The following KHDRBS2 variants were observed in gnomAD, a reference collection of about 807,000 sequenced individuals.
KHDRBS2 encodes the protein KH domain-containing, RNA-binding, signal transduction-associated protein 2.
KHDRBS2 carries 26 observed loss-of-function variants against 44.3 expected under a neutral mutation model. The ratio of observed to expected loss-of-function variants is 0.59; its 90% CI spans 0.43 to 0.81. The LOEUF (loss-of-function observed/expected upper bound fraction) is 0.81. Among genes scored for constraint, KHDRBS2 ranks in the 40% least tolerant of loss-of-function variants. The pLI, the probability that KHDRBS2 is intolerant of heterozygous loss-of-function variation, is 0.00. For missense variants in KHDRBS2, 476 were observed against 433.1 expected, an observed-to-expected ratio of 1.10 and a Z score of -0.88; for synonymous variants, 194 against 151.1, an observed-to-expected ratio of 1.28 and a Z score of -2.08.
chr6:61,764,315 T>C (rs571985918), intron 6 of KHDRBS2, among the ~76,000 whole-genome samples: 2 of 152,328 alleles, frequency 1.3e-5, no homozygotes, highest in Non-Finnish European at 2.9e-5. Flanking sequence ...AACTTTATAA[T>C]AGAACGATTA....
At chr6:61,573,804 A>G in the KHDRBS2 span, among the ~76,000 whole-genome samples, 216 of 121,120 alleles carry the variant, frequency 1.8e-3, no homozygotes, top group African/African-American at 6.2e-3. Flanking sequence ...AAAAAAAAAA[A>G]AAGTAAAAGT....
At chr6:61,914,998 T>C (rs1383415111) in intron 4 of KHDRBS2, among the ~76,000 whole-genome samples, 1 of 152,046 alleles carries the variant, frequency 6.6e-6, no homozygotes, top group African/African-American at 2.4e-5. Flanking sequence ...GTTGTGACAA[T>C]AGTCACAATA....
chr6:61,882,152 GAAA>G (rs1800294320), intron 6 of KHDRBS2, among the ~76,000 whole-genome samples: 1 of 151,894 alleles, frequency 6.6e-6, no homozygotes, highest in African/African-American at 2.4e-5. Flanking sequence ...ACCAAGAGTA[GAAA>G]AAAGTAGGAA....
chr6:61,680,227 T>C lies in KHDRBS2; in HGVS notation c.*736A>G, dbSNP rs551973910. ...GCATTTAAAGCTAGAAAACAAGTAA[T>C]TCCAAATTTAATTTTTACAAAAGTT... On this transcript the variant is annotated 3_prime_UTR_variant, in exon 9 of 9. Transcript: ENST00000281156. 156 of 152,336 alleles carry C rather than the reference T, an allele frequency of 1.0e-3. 1 individual carries two copies. The highest frequency in any genetic ancestry group is 4.9e-4 in the Non-Finnish European group (33 of 67,910). The allele number at this position is 152,336 out of a possible 1,614,324, so 9.4% of individuals were successfully genotyped here.
intron 3 of KHDRBS2, among the ~76,000 whole-genome samples, chr6:62,009,507 C>T (rs1029972151): frequency 6.6e-6 from 1 of 152,104 alleles, no homozygotes; most frequent in Non-Finnish European, 1.5e-5. Context: ...AATGAGGAGC[C>T]GAATGTTAAT....
At chr6:62,011,384 CAAT>C (rs1780254395) in intron 3 of KHDRBS2, among the ~76,000 whole-genome samples, 1 of 151,966 alleles carries the variant, frequency 6.6e-6, no homozygotes, top group Admixed American at 6.6e-5. Context: ...CGAAAGTAAA[CAAT>C]GATGTAGAAA....
At chr6:62,100,521 A>T in intron 2 of KHDRBS2, among the ~76,000 whole-genome samples, 1 of 152,200 alleles carries the variant, frequency 6.6e-6, no homozygotes, top group East Asian at 1.9e-4. Context: ...GAGGCAAGCG[A>T]TGTGGCAAAC....
intron 6 of KHDRBS2, among the ~76,000 whole-genome samples, chr6:61,848,160 T>G (rs1794682310): frequency 6.6e-6 from 1 of 151,980 alleles, no homozygotes; most frequent in South Asian, 2.1e-4. Context: ...GGGGTACAAG[T>G]CAAGGCAAGA....
At chr6:61,955,648 A>T (rs1766965474) in intron 4 of KHDRBS2, among the ~76,000 whole-genome samples, 1 of 146,770 alleles carries the variant, frequency 6.8e-6, no homozygotes, top group Non-Finnish European at 1.5e-5. Context: ...ACACGTATGT[A>T]TGTATGCATA....
chr6:61,680,868 A>C lies in KHDRBS2; in HGVS notation c.*95T>G. On this transcript the variant is annotated 3_prime_UTR_variant, in exon 9 of 9. Transcript: ENST00000281156. ...TTATCCCTAGAATAGAAACAAACAA[A>C]CAAAAAAAGGACTATTACTTGTCTT... is the stretch of plus-strand genomic sequence containing the variant. The C allele has an allele frequency of 1.4e-6, 1 of 721,084 alleles. No individual in the cohort carries two copies. The highest frequency in any genetic ancestry group is 2.6e-4 in the Middle Eastern group (1 of 3,908). 44.7% of individuals were successfully genotyped at this position (721,084 alleles called of 1,614,324 possible). A position where few individuals can be genotyped will look rare whatever the true frequency, so the allele number is the denominator to read the frequency against.
At chr6:61,556,772 C>T in the KHDRBS2 span, among the ~76,000 whole-genome samples, 18 of 150,524 alleles carry the variant, frequency 1.2e-4, no homozygotes, top group Admixed American at 4.6e-4. Context: ...CCTCCATTTT[C>T]TCATACAGAA....
intron 4 of KHDRBS2, among the ~76,000 whole-genome samples, chr6:61,977,487 G>A (rs1439336239): frequency 1.3e-5 from 2 of 152,048 alleles, no homozygotes; most frequent in East Asian, 3.9e-4. Context: ...GCCCTCACAT[G>A]GTAGAGTGAG....
At chr6:61,726,058 T>C (rs1427782272) in intron 7 of KHDRBS2, among the ~76,000 whole-genome samples, 4 of 152,084 alleles carry the variant, frequency 2.6e-5, no homozygotes, top group Non-Finnish European at 4.4e-5. Context: ...AATAAAATAC[T>C]AGAAAACTGA....
intron 1 of KHDRBS2, among the ~76,000 whole-genome samples, chr6:62,231,658 A>G (rs1308010528): frequency 1.3e-5 from 2 of 152,238 alleles, no homozygotes. Context: ...TAAATTATGC[A>G]TATCAGGTGC....
intron 8 of KHDRBS2, among the ~76,000 whole-genome samples, chr6:61,687,238 G>A (rs953337427): frequency 4.0e-5 from 6 of 151,748 alleles, no homozygotes; most frequent in Non-Finnish European, 5.9e-5. Flanking sequence ...ACCATCATTT[G>A]TCCTCTCAGA....
chr6:62,109,922 C>T (rs1804612237), intron 2 of KHDRBS2, among the ~76,000 whole-genome samples: 1 of 151,732 alleles, frequency 6.6e-6, no homozygotes, highest in African/African-American at 2.4e-5. Context: ...AACTATAAAA[C>T]TTCTAAAAGA....
At chr6:61,593,334 G>C in the KHDRBS2 span, among the ~76,000 whole-genome samples, 2 of 152,028 alleles carry the variant, frequency 1.3e-5, no homozygotes, top group African/African-American at 4.8e-5. Context: ...GAGAAAAGTT[G>C]GAAATGTTAA....
intron 7 of KHDRBS2, among the ~76,000 whole-genome samples, chr6:61,702,785 T>TC (rs1410501833): frequency 6.6e-6 from 1 of 151,948 alleles, no homozygotes; most frequent in Non-Finnish European, 1.5e-5. Flanking sequence ...TGCTATTGGC[T>TC]CCTGCCTCCT....
Position 62,264,026 on chromosome 6 carries a change from T to C in KHDRBS2, c.91+21832A>G, listed in dbSNP as rs192370461. On this transcript the variant is annotated intron_variant, in intron 1 of 8. Coordinates refer to ENST00000281156, the MANE Select transcript of KHDRBS2 (RefSeq NM_152688.4). ...GTACACGGTTTTGCACAAAATGCAA[T>C]CTGAAAACATCAACCAGATATTATT... Among the ~76,000 whole-genome samples, 234 of 151,870 alleles carry C rather than the reference T, an allele frequency of 1.5e-3. 1 individual carries two copies. Among genetic ancestry groups the C allele is most frequent in the African/African-American group, 5.5e-3 (228 of 41,504 alleles).
Sources: allele counts gnomAD v4.1 joint callset (sites outside exome capture counted in the v4.1 genomes callset), GRCh38; gene constraint gnomAD v4.1.1; transcripts MANE v1.5; gene names NCBI Gene and HGNC (gene_info 2026-07-23, HGNC 2026-07-21).